ENAH: variants seen among roughly 807,000 people sequenced by gnomAD.
ENAH encodes ENAH actin regulator, also known as protein enabled homolog.
A neutral mutation model predicts 78.7 loss-of-function variants in ENAH; 23 were observed. That is an observed-to-expected ratio of 0.29 (90% CI 0.21 to 0.41). The LOEUF is 0.41. Among genes scored for constraint, ENAH ranks in the 10% least tolerant of loss-of-function variants. The probability of loss-of-function intolerance (pLI) is 1.00; values close to 1 mark genes in which losing one functional copy is unlikely to be tolerated. For synonymous variants in ENAH, 226 were observed against 241.0 expected (o/e 0.94, Z 0.58); for missense variants, 544 against 691.0 (o/e 0.79, Z 2.39).
intron 4 of ENAH, among the ~76,000 whole-genome samples, chr1:225,527,314 G>C (rs938621379): frequency 3.3e-5 from 5 of 152,256 alleles, no homozygotes; most frequent in Non-Finnish European, 7.4e-5. Flanking sequence ...TGCCTCTGAA[G>C]ATTAAATCAA....
At chr1:225,553,442 T>C (rs964939574) in intron 3 of ENAH, among the ~76,000 whole-genome samples, 1 of 152,152 alleles carries the variant, frequency 6.6e-6, no homozygotes, top group Non-Finnish European at 1.5e-5. Flanking sequence ...TATCAACGGA[T>C]ACACTTTTGA....
chr1:225,582,254 G>A (rs72753042), intron 1 of ENAH, among the ~76,000 whole-genome samples: 4,066 of 152,014 alleles, frequency 0.027, 60 homozygotes, highest in Non-Finnish European at 0.041. Context: ...AGGCCTCCCC[G>A]GAAGCCAGCA....
intron 8 of ENAH, 72 bp from the exon 9 acceptor site, chr1:225,512,786 A>G (rs1051133173): frequency 3.7e-6 from 6 of 1,604,992 alleles, no homozygotes; most frequent in Non-Finnish European, 5.1e-6. Flanking sequence ...TCTACGAGGA[A>G]AGAAGTGCAT....
intron 10 of ENAH, chr1:225,508,675 GCTGT>G (rs2096353259): frequency 6.6e-6 from 1 of 152,214 alleles, no homozygotes. Flanking sequence ...TCACTAGTTG[GCTGT>G]CTATTGTGCT....
chr1:225,555,911 G>T (rs1553437395), intron 2 of ENAH, among the ~76,000 whole-genome samples: 4 of 152,088 alleles, frequency 2.6e-5, no homozygotes, highest in Non-Finnish European at 5.9e-5. Context: ...TCTTTCATTA[G>T]ATTTATTTCC....
At chr1:225,589,886 G>A (rs577771939) in intron 1 of ENAH, among the ~76,000 whole-genome samples, 18 of 152,170 alleles carry the variant, frequency 1.2e-4, no homozygotes, top group South Asian at 2.1e-4. Flanking sequence ...TGCACTCCCC[G>A]TGCAGCTTTT....
rs985741573 is a variant in ENAH at position 225,492,102 on chromosome 1, A to G, written c.*5673T>C. Reference sequence around the variant, plus strand: ...CTTAGAATTTTTTTTTTTTTTTTTTAGAGACAGGTTCTCGCTCTGTCACCC... The same window carrying G: ...CTTAGAATTTTTTTTTTTTTTTTTTGGAGACAGGTTCTCGCTCTGTCACCC... On this transcript the variant is annotated 3_prime_UTR_variant, in exon 14 of 14. Transcript: ENST00000366843. 4 of 124,840 alleles carry G rather than the reference A, an allele frequency of 3.2e-5. No homozygotes were observed. Among genetic ancestry groups the G allele is most frequent in the African/African-American group, 1.2e-4 (4 of 32,372 alleles). The allele number at this position is 124,840 out of a possible 1,614,324, so 7.7% of individuals were successfully genotyped here.
intron 1 of ENAH, among the ~76,000 whole-genome samples, chr1:225,637,136 T>A (rs1660204130): frequency 6.6e-6 from 1 of 152,216 alleles, no homozygotes; most frequent in Admixed American, 6.5e-5. Flanking sequence ...GAATGCCAAG[T>A]TAAGACATCT....
chr1:225,615,869 C>A (rs1444628734), intron 1 of ENAH, among the ~76,000 whole-genome samples: 3 of 148,122 alleles, frequency 2.0e-5, no homozygotes, highest in African/African-American at 8.0e-5. Context: ...ATGACGATGG[C>A]GGTTTTGTCG....
intron 3 of ENAH, among the ~76,000 whole-genome samples, chr1:225,537,145 A>G (rs2096565899): frequency 6.6e-6 from 1 of 152,144 alleles, no homozygotes; most frequent in African/African-American, 2.4e-5. Context: ...AAAAACCCAT[A>G]AGGACAATTT....
intron 2 of ENAH, among the ~76,000 whole-genome samples, chr1:225,555,659 T>C (rs2096662972): frequency 6.6e-6 from 1 of 152,102 alleles, no homozygotes. Flanking sequence ...TGCTGAAGTT[T>C]TACAAATACA....
At chr1:225,589,666 T>A (rs2096865920) in intron 1 of ENAH, among the ~76,000 whole-genome samples, 1 of 152,202 alleles carries the variant, frequency 6.6e-6, no homozygotes, top group Non-Finnish European at 1.5e-5. Flanking sequence ...TTTTTAATAT[T>A]TTTTATCTGT....
chr1:225,520,735 A>G (rs1469992344), intron 4 of ENAH, among the ~76,000 whole-genome samples: 1 of 152,112 alleles, frequency 6.6e-6, no homozygotes, highest in Non-Finnish European at 1.5e-5. Context: ...ATGCACCTGT[A>G]TTCCCAGCTA....
At position 225,488,742 on chromosome 1, in the gene ENAH, A is replaced by G. The variant is rs1316431412; in HGVS notation, c.*9033T>C. ...AGGACACGCACCAAGAACCAAAGTAAAAGAATGTCAGCAAAACAGGACCCA... is the reference window on the plus strand; with the variant it reads ...AGGACACGCACCAAGAACCAAAGTAGAAGAATGTCAGCAAAACAGGACCCA... On this transcript the variant is annotated 3_prime_UTR_variant, in exon 14 of 14. Transcript: ENST00000366843. The G allele has an allele frequency of 6.6e-6, 1 of 152,234 alleles. No homozygotes were observed. Among genetic ancestry groups the G allele is most frequent in the African/African-American group, 2.4e-5 (1 of 41,458 alleles). 9.4% of individuals were successfully genotyped at this position (152,234 alleles called of 1,614,324 possible).
At chr1:225,601,152 C>G (rs2096928521) in intron 1 of ENAH, among the ~76,000 whole-genome samples, 3 of 152,148 alleles carry the variant, frequency 2.0e-5, no homozygotes, top group African/African-American at 7.2e-5. Flanking sequence ...TTAATCAACT[C>G]TGTTCAGACT....
In ENAH at chr1:225,497,662, C is replaced by G; in HGVS notation, c.*113G>C. On this transcript the variant is annotated 3_prime_UTR_variant, in exon 14 of 14. Transcript: ENST00000366843. Reference sequence around the variant, plus strand: ...TTGGTTTTTCCCTCCTTCTGTTTGTCTCCATTTTCTTCTTACAGCTCATAA... The same window carrying G: ...TTGGTTTTTCCCTCCTTCTGTTTGTGTCCATTTTCTTCTTACAGCTCATAA... 1 of 1,058,034 alleles carries G rather than the reference C, an allele frequency of 9.5e-7. No homozygotes were observed. Among genetic ancestry groups the G allele is most frequent in the Non-Finnish European group, 1.4e-6 (1 of 733,298 alleles). 65.5% of individuals were successfully genotyped at this position (1,058,034 alleles called of 1,614,324 possible). A position where few individuals can be genotyped will look rare whatever the true frequency, so the allele number is the denominator to read the frequency against.
chr1:225,566,668 G>A (rs2096736473), intron 2 of ENAH, among the ~76,000 whole-genome samples: 1 of 152,138 alleles, frequency 6.6e-6, no homozygotes, highest in Admixed American at 6.5e-5. Context: ...ATCTACTGCT[G>A]TTGATCTGTT....
chr1:225,547,218 C>T (rs1277161569), intron 3 of ENAH, among the ~76,000 whole-genome samples: 7 of 151,842 alleles, frequency 4.6e-5, no homozygotes, highest in Non-Finnish European at 7.4e-5. Flanking sequence ...ATTACAGGTG[C>T]GCACCACCAT....
At chr1:225,604,186 A>G (rs2096943472) in intron 1 of ENAH, among the ~76,000 whole-genome samples, 1 of 152,216 alleles carries the variant, frequency 6.6e-6, no homozygotes, top group Non-Finnish European at 1.5e-5. Context: ...GCAGACATAA[A>G]AACCAAAATT....
Sources: allele counts gnomAD v4.1 joint callset (sites outside exome capture counted in the v4.1 genomes callset), GRCh38; gene constraint gnomAD v4.1.1; transcripts MANE v1.5; gene names NCBI Gene and HGNC (gene_info 2026-07-23, HGNC 2026-07-21).